The following ITGB1 variants were observed in gnomAD, a reference collection of about 807,000 sequenced individuals.
ITGB1 encodes the protein integrin beta-1.
In ITGB1, 24 loss-of-function variants were observed where a neutral mutation model predicts 86.5. The observed-to-expected ratio is 0.28, with a 90% CI of 0.20 to 0.39. ITGB1 has a LOEUF of 0.39. ITGB1 is among the 10% of genes least tolerant of loss of function. ITGB1 has a pLI of 1.00. For missense variants in ITGB1, 556 were observed against 946.9 expected, an observed-to-expected ratio of 0.59 and a Z score of 5.42; for synonymous variants, 323 against 316.8, an observed-to-expected ratio of 1.02 and a Z score of -0.21.
At chr10:32,949,172 A>G (rs1009027481) in intron 1 of ITGB1, among the ~76,000 whole-genome samples, 4 of 152,174 alleles carry the variant, frequency 2.6e-5, no homozygotes, top group Admixed American at 6.5e-5. Flanking sequence ...AATAGCATCT[A>G]TCTCCTCCAG....
chr10:32,930,087 G>A, intron 3 of ITGB1, 43 bp from the exon 4 acceptor site: 1 of 803,516 alleles, frequency 1.2e-6, no homozygotes, highest in Non-Finnish European at 2.2e-6. Flanking sequence ...AAATTGTAAT[G>A]GTCAAACCTT....
At chr10:32,940,252 G>A (rs2095015119) in intron 1 of ITGB1, among the ~76,000 whole-genome samples, 1 of 151,780 alleles carries the variant, frequency 6.6e-6, no homozygotes, top group Non-Finnish European at 1.5e-5. Flanking sequence ...GGCTGAGGCA[G>A]GAGAATCACT....
intron 1 of ITGB1, among the ~76,000 whole-genome samples, chr10:32,946,723 G>A (rs1036549838): frequency 1.2e-4 from 13 of 111,522 alleles, no homozygotes; most frequent in Non-Finnish European, 5.0e-5. Context: ...AAACACAAGT[G>A]CCAATAAGTG....
At chr10:32,905,498 AAG>A (rs978328568) in intron 15 of ITGB1, among the ~76,000 whole-genome samples, 2 of 152,192 alleles carry the variant, frequency 1.3e-5, no homozygotes, top group Middle Eastern at 3.2e-3. Context: ...AATCTCTATA[AAG>A]AGTGATCTAC....
intron 11 of ITGB1, among the ~76,000 whole-genome samples, chr10:32,918,193 A>G (rs1355829441): frequency 1.3e-5 from 2 of 152,054 alleles, no homozygotes; most frequent in Non-Finnish European, 2.9e-5. Context: ...GGGGCCTGTC[A>G]TAAGGTGGGG....
intron 5 of ITGB1, among the ~76,000 whole-genome samples, chr10:32,927,488 T>A (rs2094968618): frequency 1.3e-5 from 2 of 152,136 alleles, no homozygotes; most frequent in Non-Finnish European, 2.9e-5. Context: ...ATTCAACACA[T>A]GTTTATAAAA....
intron 6 of ITGB1, among the ~76,000 whole-genome samples, chr10:32,924,520 A>G (rs933888150): frequency 1.3e-5 from 2 of 152,228 alleles, no homozygotes; most frequent in Admixed American, 6.5e-5. Flanking sequence ...CAATCTTTCA[A>G]AAGTGGAATG....
At chr10:32,956,269 C>T (rs1295412627) in intron 1 of ITGB1, among the ~76,000 whole-genome samples, 1 of 152,160 alleles carries the variant, frequency 6.6e-6, no homozygotes, top group Non-Finnish European at 1.5e-5. Flanking sequence ...TAACTGCCAA[C>T]TGAAGTTCCT....
chr10:32,952,746 T>G (rs957497578), intron 1 of ITGB1, among the ~76,000 whole-genome samples: 4 of 152,188 alleles, frequency 2.6e-5, no homozygotes, highest in Non-Finnish European at 5.9e-5. Context: ...TTTTTCTTCT[T>G]CCTTTCTGTC....
rs914484805 is a variant in ITGB1 at position 32,917,994 on chromosome 10, A to C, written c.1469+1891T>G. On this transcript the variant is annotated intron_variant, in intron 11 of 15. Transcript: ENST00000302278. ...ATTAAGAAAATGTGGCACATATACA[A>C]CATGGAATACTATGCAGCCATAAAA... 2.6e-5 allele frequency among the ~76,000 whole-genome samples: 4 copies of C among 152,282 alleles called. No homozygotes were observed. In the South Asian group the frequency reaches 6.2e-4, roughly 24 times the overall value.
intron 1 of ITGB1, among the ~76,000 whole-genome samples, chr10:32,940,270 A>C (rs760810364): frequency 2.0e-5 from 3 of 151,816 alleles, no homozygotes; most frequent in Non-Finnish European, 4.4e-5. Flanking sequence ...ACTTGAACCC[A>C]GGAGATGGAG....
intron 9 of ITGB1, among the ~76,000 whole-genome samples, 191 bp downstream of exon 9, chr10:32,922,066 G>A (rs1302478650): frequency 7.9e-5 from 12 of 151,952 alleles, no homozygotes; most frequent in Admixed American, 7.9e-4. Context: ...TTTTCACTTT[G>A]TTTAGGCCAT....
chr10:32,948,060 T>C (rs1333872968), intron 1 of ITGB1, among the ~76,000 whole-genome samples: 1 of 152,084 alleles, frequency 6.6e-6, no homozygotes. Context: ...GGATCCACTT[T>C]AGGGAAGACA....
At chr10:32,955,540 T>C (rs2095050603) in intron 1 of ITGB1, 1 of 152,214 alleles carries the variant, frequency 6.6e-6, no homozygotes, top group African/African-American at 2.4e-5. Context: ...CAGAACACTA[T>C]ACTACTCACC....
intron 1 of ITGB1, chr10:32,935,848 C>CA (rs1012941408): frequency 2.0e-3 from 434 of 216,844 alleles, no homozygotes; most frequent in East Asian, 6.0e-3. Flanking sequence ...TAACAGCGCT[C>CA]AAAAAAAAAA....
Position 32,929,965 on chromosome 10 carries a change from T to C in ITGB1, c.233A>G (p.Asp78Gly), listed in dbSNP as rs139853740. The change falls in exon 4 of 16, where the codon GAT becomes GGT. Residue 78 changes from aspartate (D) to glycine (G), a missense_variant. Coordinates refer to ENST00000302278, the MANE Select transcript of ITGB1 (RefSeq NM_002211.4). Reference protein sequence around the residue: ...EALKKKGCPPDDIENPRGSKD... With the variant: ...EALKKKGCPPGDIENPRGSKD... ...GGAGCCTCTGGGATTTTCTATGTCA[T>C]CTGGAGGGCAACCCTTCTTTTTTAA... The C allele has an allele frequency of 5.4e-5, 70 of 1,301,354 alleles. No homozygotes were observed. The African/African-American group carries it at 6.7e-4, about 12-fold the overall frequency. 80.6% of individuals were successfully genotyped at this position (1,301,354 alleles called of 1,614,324 possible).
intron 1 of ITGB1, 133 bp from the exon 2 acceptor site, chr10:32,935,691 C>T (rs1049015826): frequency 6.1e-6 from 4 of 653,724 alleles, no homozygotes; most frequent in Non-Finnish European, 1.1e-5. Context: ...TTCACTCCAG[C>T]CCCTCTCCAC....
At chr10:32,910,137 A>G (rs2094908299) in intron 14 of ITGB1, 86 bp downstream of exon 14, 1 of 926,060 alleles carries the variant, frequency 1.1e-6, no homozygotes, top group African/African-American at 1.7e-5. Flanking sequence ...TTCCAGCTGG[A>G]GGCTGTTTCT....
intron 1 of ITGB1, among the ~76,000 whole-genome samples, chr10:32,946,203 G>GA (rs2137258863): frequency 6.6e-6 from 1 of 152,248 alleles, no homozygotes; most frequent in Non-Finnish European, 1.5e-5. Context: ...AAATAAAAGA[G>GA]AAAACCTATG....
Sources: gnomAD v4.1 joint callset for allele counts (sites outside exome capture counted in the v4.1 genomes callset) on GRCh38, gnomAD v4.1.1 for gene constraint, MANE v1.5 for transcripts, NCBI Gene and HGNC (gene_info 2026-07-23, HGNC 2026-07-21) for gene names.